Variants in B3GALT1 observed in about 807,000 individuals in gnomAD.
The protein encoded by B3GALT1 is beta-1,3-galactosyltransferase 1.
A neutral mutation model predicts 23.2 loss-of-function variants in B3GALT1; 10 were observed. The ratio of observed to expected loss-of-function variants is 0.43; its 90% CI spans 0.27 to 0.73. B3GALT1 has a LOEUF of 0.73. Ranked by LOEUF, B3GALT1 falls within the 30% of genes least tolerant of loss-of-function variation. The pLI is 0.21. For missense variants in B3GALT1, 299 were observed against 405.4 expected, an observed-to-expected ratio of 0.74 and a Z score of 2.25; for synonymous variants, 156 against 141.5, an observed-to-expected ratio of 1.10 and a Z score of -0.73.
At chr2:167,849,409 A>G (rs1689825199) in intron 4 of B3GALT1, among the ~76,000 whole-genome samples, 1 of 152,206 alleles carries the variant, frequency 6.6e-6, no homozygotes, top group South Asian at 2.1e-4. Flanking sequence ...CAGAATAGAC[A>G]ACCCAGAAAT....
At chr2:167,383,003 T>C (rs888966496) in intron 1 of B3GALT1, among the ~76,000 whole-genome samples, 1 of 152,164 alleles carries the variant, frequency 6.6e-6, no homozygotes, top group Non-Finnish European at 1.5e-5. Context: ...ATAGCAGAGT[T>C]GGATGACCAT....
intron 1 of B3GALT1, among the ~76,000 whole-genome samples, chr2:167,381,294 T>G (rs1472363026): frequency 6.6e-6 from 1 of 152,186 alleles, no homozygotes; most frequent in Non-Finnish European, 1.5e-5. Flanking sequence ...CTCCTGGGCT[T>G]AAGCAATCCT....
intron 3 of B3GALT1, among the ~76,000 whole-genome samples, chr2:167,711,827 G>A (rs1376545721): frequency 6.6e-6 from 1 of 152,098 alleles, no homozygotes; most frequent in Non-Finnish European, 1.5e-5. Context: ...AATTAGCTGG[G>A]TGTGGTGGCT....
chr2:167,303,681 A>T (rs1036441870), intron 1 of B3GALT1, among the ~76,000 whole-genome samples: 1 of 150,336 alleles, frequency 6.7e-6, no homozygotes, highest in African/African-American at 2.4e-5. Context: ...ACACACACAC[A>T]CAGAGAGAGA....
intron 2 of B3GALT1, among the ~76,000 whole-genome samples, chr2:167,516,977 T>G (rs1296035205): frequency 1.3e-5 from 2 of 151,480 alleles, no homozygotes; most frequent in African/African-American, 4.9e-5. Flanking sequence ...TATATGACAC[T>G]TAAGCTTCTT....
chr2:167,322,990 C>T (rs1696837033), intron 1 of B3GALT1, among the ~76,000 whole-genome samples: 1 of 152,028 alleles, frequency 6.6e-6, no homozygotes, highest in Non-Finnish European at 1.5e-5. Context: ...TTTGGCATGA[C>T]TAACCATTTC....
intron 2 of B3GALT1, among the ~76,000 whole-genome samples, chr2:167,504,177 T>A (rs1969582): frequency 0.6 from 90,598 of 152,148 alleles, 30,583 homozygotes; most frequent in East Asian, 0.99. Flanking sequence ...CTTGATCACA[T>A]TGAAGTTTTG....
At chr2:167,679,951 C>T (rs1445427499) in intron 3 of B3GALT1, among the ~76,000 whole-genome samples, 1 of 152,130 alleles carries the variant, frequency 6.6e-6, no homozygotes. Context: ...TTTTCCTTTA[C>T]TGATAGAATG....
chr2:167,835,433 G>C (rs902038805), intron 4 of B3GALT1, among the ~76,000 whole-genome samples: 4 of 152,236 alleles, frequency 2.6e-5, no homozygotes, highest in Non-Finnish European at 5.9e-5. Context: ...CTGATTGCTA[G>C]CACAGCAGTC....
intron 3 of B3GALT1, among the ~76,000 whole-genome samples, chr2:167,681,844 G>A (rs998485938): frequency 7.2e-5 from 11 of 152,178 alleles, no homozygotes; most frequent in Non-Finnish European, 1.5e-4. Flanking sequence ...CAAAGCCTTT[G>A]TCAGTAGTGC....
chr2:167,650,438 G>A (rs1419401013), intron 3 of B3GALT1, among the ~76,000 whole-genome samples: 1 of 151,350 alleles, frequency 6.6e-6, no homozygotes, highest in Non-Finnish European at 1.5e-5. Flanking sequence ...CAAGTATTTT[G>A]TTGAGAATTT....
intron 4 of B3GALT1, among the ~76,000 whole-genome samples, chr2:167,829,090 C>G (rs752213457): frequency 5.9e-5 from 9 of 152,180 alleles, no homozygotes; most frequent in South Asian, 2.1e-4. Flanking sequence ...TTGAGTTACT[C>G]GGGTCTTAAA....
chr2:167,592,931 T>C (rs1387468416), intron 2 of B3GALT1, among the ~76,000 whole-genome samples: 2 of 152,160 alleles, frequency 1.3e-5, no homozygotes, highest in Non-Finnish European at 2.9e-5. Flanking sequence ...AGATGGTCAG[T>C]GTCATGCGTA....
At chr2:167,649,121 C>A (rs1426689152) in intron 3 of B3GALT1, among the ~76,000 whole-genome samples, 1 of 152,098 alleles carries the variant, frequency 6.6e-6, no homozygotes, top group African/African-American at 2.4e-5. Context: ...AGCTTTACCA[C>A]CCCTACTTTA....
chr2:167,697,156 A>G (rs1257269681), intron 3 of B3GALT1, among the ~76,000 whole-genome samples: 5 of 152,222 alleles, frequency 3.3e-5, no homozygotes, highest in African/African-American at 4.8e-5. Flanking sequence ...AACATATTAT[A>G]TAGAAATAAC....
intron 1 of B3GALT1, among the ~76,000 whole-genome samples, chr2:167,388,686 A>C (rs1250783049): frequency 1.3e-5 from 2 of 152,208 alleles, no homozygotes; most frequent in East Asian, 3.8e-4. Flanking sequence ...TTTTGAAAAA[A>C]AGACTTAATG....
rs141232926 is a variant in B3GALT1 at position 167,760,724 on chromosome 2, G to A, written c.-351-57948G>A. Among the ~76,000 whole-genome samples, 49 of 152,276 alleles carry A rather than the reference G, an allele frequency of 3.2e-4. No homozygotes were observed. In the East Asian group the frequency reaches 9.3e-3, roughly 29 times the overall value. On this transcript the variant is annotated intron_variant, in intron 3 of 4. Transcript: ENST00000392690. ...AAGACACGGGCTGATCTAAAGAATA[G>A]CAGTTGGCCCTTGCTTGACTTTGGC...
At chr2:167,722,790 C>CACTA (rs1445500795) in intron 3 of B3GALT1, among the ~76,000 whole-genome samples, 1 of 152,104 alleles carries the variant, frequency 6.6e-6, no homozygotes, top group Non-Finnish European at 1.5e-5. Flanking sequence ...ATTCCTAAAT[C>CACTA]AAGTGACATG....
At chr2:167,499,451 C>T (rs1327383961) in intron 2 of B3GALT1, among the ~76,000 whole-genome samples, 1 of 151,898 alleles carries the variant, frequency 6.6e-6, no homozygotes, top group African/African-American at 2.4e-5. Context: ...CTATGAGACT[C>T]AAGGATTTAG....
Sources: allele counts gnomAD v4.1 joint callset (sites outside exome capture counted in the v4.1 genomes callset), GRCh38; gene constraint gnomAD v4.1.1; transcripts MANE v1.5; gene names NCBI Gene and HGNC (gene_info 2026-07-23, HGNC 2026-07-21).